Variants in CCDC68 observed in about 807,000 individuals in gnomAD.
CCDC68 encodes coiled-coil domain-containing protein 68.
CCDC68 carries 45 observed loss-of-function variants against 47.1 expected under a neutral mutation model. That is an observed-to-expected ratio of 0.96 (90% CI 0.75 to 1.23). The LOEUF (loss-of-function observed/expected upper bound fraction) is 1.23, where lower values mean the gene tolerates loss of function less well. Among genes scored for constraint, CCDC68 ranks in the 50% most tolerant of loss-of-function variants. The pLI, the probability that CCDC68 is intolerant of heterozygous loss-of-function variation, is 0.00. For missense variants in CCDC68, 353 were observed against 373.6 expected (o/e 0.94, Z 0.45); for synonymous variants, 131 against 129.5 (o/e 1.01, Z -0.08).
chr18:54,943,175 C>T (rs1361043807), intron 2 of CCDC68, among the ~76,000 whole-genome samples: 1 of 151,958 alleles, frequency 6.6e-6, no homozygotes, highest in African/African-American at 2.4e-5. Flanking sequence ...ACAATTATAA[C>T]AAAATTATGT....
intron 7 of CCDC68, among the ~76,000 whole-genome samples, chr18:54,932,260 C>T (rs1330828387): frequency 6.6e-6 from 1 of 151,452 alleles, no homozygotes; most frequent in Non-Finnish European, 1.5e-5. Context: ...TCTCGGCTCA[C>T]TGCAGCCTCC....
chr18:54,925,641 A>C (rs1423165657), intron 8 of CCDC68, among the ~76,000 whole-genome samples: 1 of 152,234 alleles, frequency 6.6e-6, no homozygotes, highest in Non-Finnish European at 1.5e-5. Context: ...CACAGGATAC[A>C]GAAGATAGTG....
At position 54,907,252 on chromosome 18, in the gene CCDC68, A is replaced by G. The variant is rs538523679; in HGVS notation, c.950+534T>C. 2.6e-5 allele frequency among the ~76,000 whole-genome samples: 4 copies of G among 152,358 alleles called. No individual in the cohort carries two copies. The South Asian group carries it at 8.3e-4, about 32-fold the overall frequency. On this transcript the variant is annotated intron_variant, in intron 11 of 11. Coordinates refer to ENST00000591504, the MANE Select transcript of CCDC68 (RefSeq NM_025214.3). ...TTAGATGGTTTCAACCATCATTTCA[A>G]TTTCTTTAGTAGGTCATCATCATCG...
At chr18:54,936,755 T>C (rs2044355445) in intron 6 of CCDC68, 78 bp downstream of exon 6, 1 of 1,563,512 alleles carries the variant, frequency 6.4e-7, no homozygotes, top group South Asian at 1.2e-5. Context: ...GTTTCATTTC[T>C]AACTCTTCTA....
rs745339446 is a variant in CCDC68, at chr18:54,936,884, C to T, written c.420G>A (p.Thr140=). ...GCTTCTTTCTCACTTCTTCAGATTG[C>T]GTTTGGTAGTTTTCAAATAATCTCT... ...VAQRLFENYQ[T]QSEEVRKKQE... Residue 140 remains threonine, a synonymous_variant, in exon 6 of 12, where the codon ACG becomes ACA. Coordinates refer to ENST00000591504, the MANE Select transcript of CCDC68 (RefSeq NM_025214.3). The T allele has an allele frequency of 4.6e-5, 75 of 1,613,932 alleles. No homozygotes were observed. The highest frequency in any genetic ancestry group is 6.0e-5 in the Non-Finnish European group (71 of 1,179,944).
intron 8 of CCDC68, among the ~76,000 whole-genome samples, chr18:54,922,911 C>T (rs2044084714): frequency 6.7e-6 from 1 of 150,154 alleles, no homozygotes; most frequent in Admixed American, 6.7e-5. Flanking sequence ...TCGCTTGAAC[C>T]CAGGAGGTGG....
chr18:54,924,780 T>C (rs1043385655), intron 8 of CCDC68, among the ~76,000 whole-genome samples: 8 of 152,202 alleles, frequency 5.3e-5, no homozygotes, highest in African/African-American at 1.9e-4. Flanking sequence ...ACTGAGTTCA[T>C]GGAGAACTTC....
At chr18:54,956,373 T>C (rs2044713781) in intron 1 of CCDC68, among the ~76,000 whole-genome samples, 1 of 152,224 alleles carries the variant, frequency 6.6e-6, no homozygotes. Context: ...TGTTTAACTC[T>C]TGGCATTCAT....
chr18:54,906,319 C>T (rs1914007391), intron 11 of CCDC68, among the ~76,000 whole-genome samples: 1 of 152,044 alleles, frequency 6.6e-6, no homozygotes, highest in African/African-American at 2.4e-5. Context: ...TTGGCCTTTC[C>T]CAAGTCACAG....
intron 10 of CCDC68, among the ~76,000 whole-genome samples, chr18:54,914,511 G>T (rs1352722366): frequency 6.6e-6 from 1 of 152,026 alleles, no homozygotes; most frequent in Non-Finnish European, 1.5e-5. Context: ...CCATCTATTT[G>T]GGAGTGTGAG....
intron 10 of CCDC68, among the ~76,000 whole-genome samples, chr18:54,909,992 G>C (rs1914258547): frequency 6.6e-6 from 1 of 152,228 alleles, no homozygotes; most frequent in South Asian, 2.1e-4. Flanking sequence ...CATCCAGTGG[G>C]TCCTGAGTTC....
At chr18:54,920,684 T>TA (rs1181843526) in intron 8 of CCDC68, among the ~76,000 whole-genome samples, 1 of 151,998 alleles carries the variant, frequency 6.6e-6, no homozygotes, top group Non-Finnish European at 1.5e-5. Flanking sequence ...TATTAAAAAG[T>TA]AAAAAAATAA....
chr18:54,911,442 C>A (rs1428213750), intron 10 of CCDC68, among the ~76,000 whole-genome samples: 1 of 152,162 alleles, frequency 6.6e-6, no homozygotes, highest in African/African-American at 2.4e-5. Context: ...TAGCTCCCAG[C>A]ATTTATCATG....
chr18:54,955,997 A>G (rs114915126), intron 1 of CCDC68, among the ~76,000 whole-genome samples: 3,179 of 141,854 alleles, frequency 0.022, 120 homozygotes, highest in African/African-American at 0.079. Flanking sequence ...TTGCTGGGGA[A>G]AATTAGAAGT....
intron 1 of CCDC68, among the ~76,000 whole-genome samples, chr18:54,950,294 A>G (rs925346355): frequency 2.0e-5 from 3 of 152,220 alleles, no homozygotes; most frequent in Non-Finnish European, 4.4e-5. Flanking sequence ...TGCCACACGG[A>G]TAATTCGGTT....
chr18:54,953,374 T>C (rs1256065142), intron 1 of CCDC68, among the ~76,000 whole-genome samples: 1 of 152,154 alleles, frequency 6.6e-6, no homozygotes, highest in Admixed American at 6.6e-5. Flanking sequence ...AAAAAAGCAA[T>C]GCACAACTGA....
intron 4 of CCDC68, among the ~76,000 whole-genome samples, chr18:54,940,484 A>C (rs1488258654): frequency 6.6e-6 from 1 of 152,210 alleles, no homozygotes; most frequent in African/African-American, 2.4e-5. Context: ...CCTATAGTGG[A>C]CAACACTGAT....
Position 54,919,323 on chromosome 18 carries a change from AGAT to A in CCDC68, c.734_736del (p.His245del). 6.2e-7 allele frequency: 1 copy of A among 1,614,164 alleles called. No individual in the cohort carries two copies. The highest frequency in any genetic ancestry group is 8.5e-7 in the Non-Finnish European group (1 of 1,179,998). On this transcript the variant is annotated inframe_deletion, in exon 9 of 12. Coordinates refer to ENST00000591504, the MANE Select transcript of CCDC68 (RefSeq NM_025214.3). ...ATGTTGGGAGTGAATCACAAACTGCAGATGAGAGATCTGCTCCTGGAGAATGGA... is the reference window on the plus strand; with the variant it reads ...ATGTTGGGAGTGAATCACAAACTGCAGAGAGATCTGCTCCTGGAGAATGGA...
At chr18:54,934,300 A>G (rs1202100256) in intron 7 of CCDC68, among the ~76,000 whole-genome samples, 1 of 152,208 alleles carries the variant, frequency 6.6e-6, no homozygotes, top group Non-Finnish European at 1.5e-5. Context: ...TCTTCTCTAA[A>G]TATGCCTTCT....
Sources: allele counts gnomAD v4.1 joint callset (sites outside exome capture counted in the v4.1 genomes callset), GRCh38; gene constraint gnomAD v4.1.1; transcripts MANE v1.5; gene names NCBI Gene and HGNC (gene_info 2026-07-23, HGNC 2026-07-21).